The following KCTD16 variants were observed in gnomAD, a reference collection of about 807,000 sequenced individuals.
KCTD16 encodes BTB/POZ domain-containing protein KCTD16.
A neutral mutation model predicts 33.2 loss-of-function variants in KCTD16; 13 were observed. The observed-to-expected ratio is 0.39, with a 90% confidence interval of 0.25 to 0.62. The LOEUF (loss-of-function observed/expected upper bound fraction) is 0.62. Ranked by LOEUF, KCTD16 falls within the 20% of genes least tolerant of loss-of-function variation. The pLI is 0.50. For synonymous variants in KCTD16, 197 were observed against 195.3 expected (o/e 1.01, Z -0.07); for missense variants, 441 against 525.1 (o/e 0.84, Z 1.57).
chr5:144,187,065 C>A (rs755791285), intron 2 of KCTD16, among the ~76,000 whole-genome samples: 2 of 152,132 alleles, frequency 1.3e-5, no homozygotes, highest in Non-Finnish European at 2.9e-5. Flanking sequence ...CTTTTCAGTT[C>A]CTAAATTCCA....
chr5:144,202,353 C>T (rs1389960524), intron 2 of KCTD16, among the ~76,000 whole-genome samples: 1 of 152,228 alleles, frequency 6.6e-6, no homozygotes, highest in African/African-American at 2.4e-5. Flanking sequence ...GACAACTTCC[C>T]TGAGACATTC....
At chr5:144,396,096 T>C (rs922997825) in intron 3 of KCTD16, among the ~76,000 whole-genome samples, 1 of 152,048 alleles carries the variant, frequency 6.6e-6, no homozygotes, top group Admixed American at 6.5e-5. Flanking sequence ...GATGACATAA[T>C]GGGGAGGGAG....
intron 3 of KCTD16, among the ~76,000 whole-genome samples, chr5:144,264,769 C>A (rs1755099777): frequency 6.6e-6 from 1 of 152,090 alleles, no homozygotes; most frequent in Non-Finnish European, 1.5e-5. Context: ...GAGACCCTGT[C>A]TCAAACAAAC....
At chr5:144,210,098 G>GCCCTC (rs1753327959) in intron 3 of KCTD16, among the ~76,000 whole-genome samples, 1 of 151,610 alleles carries the variant, frequency 6.6e-6, no homozygotes, top group Admixed American at 6.6e-5. Flanking sequence ...TTGTTTCCCT[G>GCCCTC]TTTGCCTATT....
chr5:144,335,926 T>A (rs244536), intron 3 of KCTD16, among the ~76,000 whole-genome samples: 38,273 of 151,932 alleles, frequency 0.25, 4,973 homozygotes, highest in Non-Finnish European at 0.28. Context: ...GAACCTGAAA[T>A]TCCCTCATTA....
chr5:144,275,869 C>G (rs1270663828), intron 3 of KCTD16, among the ~76,000 whole-genome samples: 3 of 152,192 alleles, frequency 2.0e-5, no homozygotes, highest in Admixed American at 1.3e-4. Context: ...TAAAACGTGG[C>G]TCCCAGATTA....
intron 3 of KCTD16, among the ~76,000 whole-genome samples, chr5:144,231,040 G>A (rs557788644): frequency 6.6e-6 from 1 of 152,284 alleles, no homozygotes; most frequent in East Asian, 1.9e-4. Context: ...CTTATGTGAC[G>A]TGCTGAACTA....
At chr5:144,383,961 G>GA (rs1328288102) in intron 3 of KCTD16, among the ~76,000 whole-genome samples, 1 of 152,044 alleles carries the variant, frequency 6.6e-6, no homozygotes, top group Non-Finnish European at 1.5e-5. Flanking sequence ...TTTTTGATCA[G>GA]AAAAACCACA....
intron 3 of KCTD16, among the ~76,000 whole-genome samples, chr5:144,423,233 A>G (rs1259131465): frequency 2.0e-5 from 3 of 152,146 alleles, no homozygotes; most frequent in Non-Finnish European, 4.4e-5. Flanking sequence ...CACCGGTCAC[A>G]TAAGATTACA....
At chr5:144,416,353 G>C (rs1561600072) in intron 3 of KCTD16, among the ~76,000 whole-genome samples, 1 of 152,156 alleles carries the variant, frequency 6.6e-6, no homozygotes, top group Non-Finnish European at 1.5e-5. Flanking sequence ...AGATAGAAAA[G>C]GCAGACTAGT....
intron 3 of KCTD16, among the ~76,000 whole-genome samples, chr5:144,272,610 A>G (rs977481930): frequency 2.0e-5 from 3 of 152,214 alleles, no homozygotes; most frequent in Non-Finnish European, 4.4e-5. Context: ...GCACTGACAT[A>G]AAGACAAACA....
intron 3 of KCTD16, among the ~76,000 whole-genome samples, chr5:144,460,043 A>C (rs141354124): frequency 0.011 from 1,623 of 151,930 alleles, 29 homozygotes; most frequent in African/African-American, 0.037. Flanking sequence ...TGTGTTAGCC[A>C]GGATGGTCTC....
At chr5:144,354,549 C>T (rs1015802978) in intron 3 of KCTD16, among the ~76,000 whole-genome samples, 2 of 152,190 alleles carry the variant, frequency 1.3e-5, no homozygotes, top group African/African-American at 4.8e-5. Context: ...CAATTATTAT[C>T]TGCCATAAAG....
chr5:144,200,985 A>G (rs1032163580), intron 2 of KCTD16, among the ~76,000 whole-genome samples: 1 of 152,208 alleles, frequency 6.6e-6, no homozygotes, highest in African/African-American at 2.4e-5. Flanking sequence ...GCCTTAAGCA[A>G]TCTTCCCACA....
At chr5:144,416,075 A>G (rs1048822665) in intron 3 of KCTD16, among the ~76,000 whole-genome samples, 4 of 152,182 alleles carry the variant, frequency 2.6e-5, no homozygotes, top group African/African-American at 9.6e-5. Context: ...TATGCTTTAT[A>G]TATCCTTCTA....
chr5:144,422,561 G>C (rs1285758046), intron 3 of KCTD16, among the ~76,000 whole-genome samples: 2 of 152,112 alleles, frequency 1.3e-5, no homozygotes, highest in African/African-American at 4.8e-5. Flanking sequence ...TTAATTTCTG[G>C]TTGTCTAGTT....
rs1251064203 is a variant in KCTD16 at position 144,479,423 on chromosome 5, T to TCCTTTGAA, written c.*5309_*5310insCCTTTGAA. 1 of 144,530 alleles carries TCCTTTGAA rather than the reference T, an allele frequency of 6.9e-6. No homozygotes were observed. 9.0% of individuals were successfully genotyped at this position (144,530 alleles called of 1,614,324 possible). ...GCAAGAAAGAGTGAATTCAAAAGGG[T>TCCTTTGAA]TTCAATGATCCAATTGACCCTATTC... On this transcript the variant is annotated 3_prime_UTR_variant, in exon 4 of 4. Coordinates refer to ENST00000512467, the MANE Select transcript of KCTD16 (RefSeq NM_020768.4).
chr5:144,247,480 T>G (rs951180193), intron 3 of KCTD16, among the ~76,000 whole-genome samples: 7 of 152,176 alleles, frequency 4.6e-5, no homozygotes, highest in African/African-American at 1.7e-4. Flanking sequence ...CAATCAAGTC[T>G]TTCCAGCTGT....
intron 3 of KCTD16, among the ~76,000 whole-genome samples, chr5:144,286,684 C>T (rs1223851930): frequency 6.6e-6 from 1 of 152,112 alleles, no homozygotes; most frequent in Non-Finnish European, 1.5e-5. Context: ...CTCTAAAATA[C>T]TTTTTACAAG....
Sources: gnomAD v4.1 joint callset for allele counts (sites outside exome capture counted in the v4.1 genomes callset) on GRCh38, gnomAD v4.1.1 for gene constraint, MANE v1.5 for transcripts, NCBI Gene and HGNC (gene_info 2026-07-23, HGNC 2026-07-21) for gene names.